Variants in TJP1 observed in about 807,000 individuals in gnomAD.
TJP1 encodes the protein tight junction protein 1, also known as tight junction protein ZO-1.
A neutral mutation model predicts 194.2 loss-of-function variants in TJP1; 43 were observed. The ratio of observed to expected loss-of-function variants is 0.22; its 90% CI spans 0.17 to 0.29. The LOEUF (loss-of-function observed/expected upper bound fraction) is 0.29. TJP1 is among the 10% of genes least tolerant of loss of function. The pLI is 1.00. For missense variants in TJP1, 1,971 were observed against 2,185.7 expected, an observed-to-expected ratio of 0.90 and a Z score of 1.96; for synonymous variants, 801 against 779.0, an observed-to-expected ratio of 1.03 and a Z score of -0.47.
chr15:29,910,150 T>A (rs1294080068), intron 2 of TJP1, among the ~76,000 whole-genome samples: 1 of 152,206 alleles, frequency 6.6e-6, no homozygotes, highest in African/African-American at 2.4e-5. Flanking sequence ...TCTAAATTGA[T>A]ATCTAACACC....
intron 2 of TJP1, among the ~76,000 whole-genome samples, chr15:29,779,096 G>A (rs779972267): frequency 2.7e-4 from 41 of 152,224 alleles, no homozygotes; most frequent in African/African-American, 8.2e-4. Flanking sequence ...GATAACTTCC[G>A]AATGTGGGTC....
intron 1 of TJP1, among the ~76,000 whole-genome samples, chr15:29,815,909 T>C (rs576055396): frequency 3.3e-5 from 5 of 152,218 alleles, no homozygotes; most frequent in South Asian, 2.1e-4. Flanking sequence ...GTGGAACTAC[T>C]GTACTTTTTT....
intron 12 of TJP1, 54 bp downstream of exon 12, chr15:29,734,220 G>C (rs938938309): frequency 1.6e-6 from 2 of 1,225,090 alleles, no homozygotes; most frequent in South Asian, 1.4e-5. Flanking sequence ...AAATCCCTTT[G>C]TAAGTCCTCA....
At chr15:29,953,467 G>A (rs2055829819) in intron 2 of TJP1, among the ~76,000 whole-genome samples, 1 of 151,950 alleles carries the variant, frequency 6.6e-6, no homozygotes, top group African/African-American at 2.4e-5. Flanking sequence ...TTAAAGTGTA[G>A]GGAAAAAAAT....
At chr15:29,858,323 C>T (rs569493652) in intron 2 of TJP1, among the ~76,000 whole-genome samples, 2 of 152,062 alleles carry the variant, frequency 1.3e-5, no homozygotes, top group African/African-American at 2.4e-5. Context: ...ATAGCTTGAG[C>T]CCAGGAGGCA....
At chr15:29,710,761 G>C (rs752608424) in intron 24 of TJP1, 70 bp downstream of exon 24, 11 of 1,586,676 alleles carry the variant, frequency 6.9e-6, no homozygotes, top group Middle Eastern at 4.2e-4. Flanking sequence ...AAACCATTTT[G>C]CCTAGAAACC....
rs1421349958 is a variant in TJP1 at position 29,772,221 on chromosome 15, TATG to T, written c.210-58_210-56del. The T allele has an allele frequency of 6.4e-6, 7 of 1,092,212 alleles. No homozygotes were observed. The African/African-American group carries it at 9.6e-5, about 15-fold the overall frequency. The allele number at this position is 1,092,212 out of a possible 1,614,324, so 67.7% of individuals were successfully genotyped here. ...TTAGAGAAAAACATTCTGGTAAGTT[TATG>T]ATGATATTTCCAAGATAGGTACTTC... On this transcript the variant is annotated intron_variant, in intron 3 of 27. Coordinates refer to ENST00000614355, the MANE Select transcript of TJP1 (RefSeq NM_001330239.4).
intron 18 of TJP1, among the ~76,000 whole-genome samples, chr15:29,724,664 G>C (rs1284888619): frequency 6.6e-6 from 1 of 152,166 alleles, no homozygotes; most frequent in Non-Finnish European, 1.5e-5. Context: ...AAAGTAGTTG[G>C]TTCAGGAAAG....
At chr15:29,768,477 A>C (rs1004669571) in intron 4 of TJP1, among the ~76,000 whole-genome samples, 8 of 152,176 alleles carry the variant, frequency 5.3e-5, no homozygotes, top group Admixed American at 3.9e-4. Context: ...ACAAAAACAA[A>C]GTTGAGCAGA....
At chr15:29,741,888 A>C (rs905966925) in intron 9 of TJP1, among the ~76,000 whole-genome samples, 11 of 152,214 alleles carry the variant, frequency 7.2e-5, no homozygotes, top group African/African-American at 2.4e-4. Context: ...AACCGATCTT[A>C]GCACCTTGCT....
chr15:29,774,182 C>T (rs1381586707), intron 2 of TJP1, among the ~76,000 whole-genome samples: 2 of 152,130 alleles, frequency 1.3e-5, no homozygotes, highest in African/African-American at 4.8e-5. Context: ...CTGTACAATT[C>T]AAACTGCCTG....
At chr15:29,961,335 T>C (rs538086934) in intron 1 of TJP1, among the ~76,000 whole-genome samples, 15 of 3,904 alleles carry the variant, frequency 3.8e-3, no homozygotes, top group Middle Eastern at 0.083. Context: ...TTCCTAATTC[T>C]TTTTTTTTTT....
intron 1 of TJP1, among the ~76,000 whole-genome samples, chr15:29,811,466 T>A (rs72719082): frequency 6.6e-6 from 1 of 151,698 alleles, no homozygotes; most frequent in African/African-American, 2.4e-5. Context: ...ATGTAAATGG[T>A]TGAAAGTACG....
At chr15:29,900,669 G>A (rs1190962610) in intron 2 of TJP1, among the ~76,000 whole-genome samples, 3 of 152,184 alleles carry the variant, frequency 2.0e-5, no homozygotes, top group African/African-American at 4.8e-5. Context: ...TTCTGACCCC[G>A]AGGACTAGAT....
intron 26 of TJP1, among the ~76,000 whole-genome samples, chr15:29,705,030 A>C (rs574309243): frequency 6.6e-6 from 1 of 152,236 alleles, no homozygotes; most frequent in African/African-American, 2.4e-5. Flanking sequence ...TTCCTTAAGA[A>C]GCTCAGAAAC....
chr15:29,750,207 C>T (rs1215850230), intron 8 of TJP1, among the ~76,000 whole-genome samples: 1 of 152,100 alleles, frequency 6.6e-6, no homozygotes, highest in East Asian at 1.9e-4. Flanking sequence ...AGGGTTTCAC[C>T]GTGTTAGCCA....
rs554026272 is a variant in TJP1 at position 29,779,929 on chromosome 15, G to A, written c.85-6572C>T. ...ATGGAGACTTCCTTAGCATGTGAAC[G>A]AAGCCATATTCTAAAACAAACAAAC... On this transcript the variant is annotated intron_variant, in intron 2 of 27. Transcript: ENST00000614355. Among the ~76,000 whole-genome samples, 9 of 150,848 alleles carry A rather than the reference G, an allele frequency of 6.0e-5. No homozygotes were observed. In the South Asian group the frequency reaches 1.0e-3, roughly 18 times the overall value.
rs548010749 is a variant in TJP1, at chr15:29,847,545, C to G, written c.307-46843G>C. Among the ~76,000 whole-genome samples the G allele has an allele frequency of 5.3e-5, 8 of 151,954 alleles. 1 individual carries two copies. Among genetic ancestry groups the G allele is most frequent in the Admixed American group, 3.9e-4 (6 of 15,242 alleles). ...TCACGCCTGTAATCCCAGCACTTTGCGAGGCTGAGGTGGGCGGATCACGAG... is the reference window on the plus strand; with the variant it reads ...TCACGCCTGTAATCCCAGCACTTTGGGAGGCTGAGGTGGGCGGATCACGAG... On this transcript the variant is annotated intron_variant, in intron 2 of 28. Transcript: ENST00000356107.
At chr15:29,885,858 C>G (rs916478591) in intron 2 of TJP1, among the ~76,000 whole-genome samples, 1 of 152,150 alleles carries the variant, frequency 6.6e-6, no homozygotes, top group African/African-American at 2.4e-5. Flanking sequence ...TGCATCATGT[C>G]GCCCCATCTG....
Sources: allele counts gnomAD v4.1 joint callset (sites outside exome capture counted in the v4.1 genomes callset), GRCh38; gene constraint gnomAD v4.1.1; transcripts MANE v1.5; gene names NCBI Gene and HGNC (gene_info 2026-07-23, HGNC 2026-07-21).